Variants in COP1 observed in about 807,000 individuals in gnomAD.
COP1 encodes COP1 E3 ubiquitin ligase, also known as E3 ubiquitin-protein ligase COP1.
COP1 carries 24 observed loss-of-function variants against 101.3 expected under a neutral mutation model. The observed-to-expected ratio is 0.24, with a 90% CI of 0.17 to 0.33. COP1 has a LOEUF of 0.33. Among genes scored for constraint, COP1 ranks in the 10% least tolerant of loss-of-function variants. COP1 has a pLI of 1.00. For synonymous variants in COP1, 347 were observed against 341.9 expected (o/e 1.01, Z -0.17); for missense variants, 663 against 906.2 (o/e 0.73, Z 3.45).
chr1:176,107,974 A>C (rs73042718), intron 9 of COP1, among the ~76,000 whole-genome samples: 8,075 of 152,186 alleles, frequency 0.053, 464 homozygotes, highest in Middle Eastern at 0.14. Flanking sequence ...AATTTAGAGG[A>C]GATTAAAGAG....
intron 3 of COP1, 76 bp from the exon 4 acceptor site, chr1:176,163,967 G>T: frequency 2.1e-6 from 2 of 934,064 alleles, no homozygotes; most frequent in South Asian, 1.6e-5. Context: ...CTTCGGTTTA[G>T]ATAGATTCTA....
chr1:176,145,319 G>A (rs1691405662), intron 6 of COP1, among the ~76,000 whole-genome samples: 1 of 151,996 alleles, frequency 6.6e-6, no homozygotes, highest in African/African-American at 2.4e-5. Context: ...CCCAAGATTA[G>A]CTAAACTGGA....
intron 6 of COP1, among the ~76,000 whole-genome samples, chr1:176,148,046 T>G (rs1691841743): frequency 6.6e-6 from 1 of 151,828 alleles, no homozygotes. Context: ...TTTAAACAAA[T>G]GAATGACTGG....
rs564988955 is a variant in COP1 at position 176,192,994 on chromosome 1, T to C, written c.408-8302A>G. Among the ~76,000 whole-genome samples, 17 of 152,342 alleles carry C rather than the reference T, an allele frequency of 1.1e-4. No individual in the cohort carries two copies. In the South Asian group the frequency reaches 3.3e-3, roughly 30 times the overall value. On this transcript the variant is annotated intron_variant, in intron 1 of 19. Transcript: ENST00000367669. ...TCTTGAAACAAAAACCTAAACACTG[T>C]ATATTGCATATACCACTACACAAAA...
At chr1:176,169,207 G>A (rs1695655994) in intron 3 of COP1, among the ~76,000 whole-genome samples, 1 of 152,250 alleles carries the variant, frequency 6.6e-6, no homozygotes, top group South Asian at 2.1e-4. Context: ...CCTCGTCATA[G>A]TAATATTCAT....
intron 5 of COP1, among the ~76,000 whole-genome samples, chr1:176,156,932 T>C (rs1693539861): frequency 6.6e-6 from 1 of 152,144 alleles, no homozygotes; most frequent in African/African-American, 2.4e-5. Context: ...GTCTGGTGGC[T>C]CACACCAGTA....
At chr1:176,183,192 G>C (rs1572730546) in intron 2 of COP1, among the ~76,000 whole-genome samples, 1 of 152,166 alleles carries the variant, frequency 6.6e-6, no homozygotes. Flanking sequence ...TGAAACGAAA[G>C]ATCTTACAGA....
intron 15 of COP1, among the ~76,000 whole-genome samples, chr1:176,008,716 C>T (rs1664039548): frequency 6.6e-6 from 1 of 152,130 alleles, no homozygotes; most frequent in South Asian, 2.1e-4. Flanking sequence ...GGTTTTCTTC[C>T]AGCTCAGCTT....
intron 9 of COP1, among the ~76,000 whole-genome samples, chr1:176,101,221 CT>C (rs758526148): frequency 5.3e-5 from 8 of 150,656 alleles, no homozygotes; most frequent in Non-Finnish European, 8.9e-5. Flanking sequence ...GCTGGTGGGA[CT>C]CGGGATCCAA....
At chr1:176,053,197 C>T (rs1340526648) in intron 11 of COP1, among the ~76,000 whole-genome samples, 1 of 152,184 alleles carries the variant, frequency 6.6e-6, no homozygotes. Flanking sequence ...CTTGCTTTCT[C>T]ATTCTAAGTG....
At chr1:175,967,806 T>C (rs544505347) in intron 18 of COP1, among the ~76,000 whole-genome samples, 40 of 152,192 alleles carry the variant, frequency 2.6e-4, no homozygotes, top group Non-Finnish European at 5.0e-4. Context: ...TCTAAAGTAT[T>C]GACCTTCACT....
intron 14 of COP1, among the ~76,000 whole-genome samples, chr1:176,038,501 A>T (rs1451410570): frequency 2.6e-5 from 4 of 152,178 alleles, no homozygotes; most frequent in Non-Finnish European, 5.9e-5. Context: ...ACAAGCTACA[A>T]ATCAAGACAA....
chr1:176,094,516 T>C (rs906892692), intron 9 of COP1, among the ~76,000 whole-genome samples: 3 of 152,018 alleles, frequency 2.0e-5, no homozygotes, highest in Admixed American at 6.5e-5. Flanking sequence ...GAGGTAGATA[T>C]AAATACGACA....
chr1:176,177,373 A>G (rs2101943320), intron 2 of COP1, among the ~76,000 whole-genome samples: 1 of 151,954 alleles, frequency 6.6e-6, no homozygotes, highest in Non-Finnish European at 1.5e-5. Flanking sequence ...AAAAAAGAAA[A>G]AAATGTTATT....
chr1:176,049,667 AT>A (rs545129426), intron 11 of COP1, among the ~76,000 whole-genome samples: 213 of 152,224 alleles, frequency 1.4e-3, no homozygotes, highest in African/African-American at 4.8e-3. Context: ...TTTGCTCCCT[AT>A]CTCTGACATA....
intron 8 of COP1, among the ~76,000 whole-genome samples, chr1:176,117,622 C>T (rs866068572): frequency 3.3e-5 from 5 of 152,178 alleles, no homozygotes; most frequent in African/African-American, 4.8e-5. Context: ...AGGCTAGGCA[C>T]GGTCGCTCAC....
At chr1:176,157,675 G>T (rs1181170597) in intron 5 of COP1, among the ~76,000 whole-genome samples, 2 of 152,102 alleles carry the variant, frequency 1.3e-5, no homozygotes, top group Non-Finnish European at 2.9e-5. Context: ...TTAACTACAT[G>T]TCAGGACAAA....
chr1:176,079,759 G>A (rs1054440310), intron 11 of COP1, among the ~76,000 whole-genome samples: 4 of 152,038 alleles, frequency 2.6e-5, no homozygotes, highest in Admixed American at 2.6e-4. Context: ...CATAAAACTC[G>A]TACAGCAAAA....
intron 18 of COP1, among the ~76,000 whole-genome samples, chr1:175,984,738 G>A (rs893048431): frequency 3.3e-5 from 5 of 152,298 alleles, no homozygotes; most frequent in East Asian, 1.9e-4. Context: ...CCAAGACTAC[G>A]GGAACCCACC....
Sources: gnomAD v4.1 joint callset for allele counts (sites outside exome capture counted in the v4.1 genomes callset) on GRCh38, gnomAD v4.1.1 for gene constraint, MANE v1.5 for transcripts, NCBI Gene and HGNC (gene_info 2026-07-23, HGNC 2026-07-21) for gene names.